FAM135B: variants seen among roughly 807,000 people sequenced by gnomAD.
FAM135B encodes protein FAM135B.
Under a neutral mutation model 127.7 loss-of-function variants are expected in FAM135B, and 43 were observed. The ratio of observed to expected loss-of-function variants is 0.34; its 90% CI spans 0.26 to 0.43. The LOEUF (loss-of-function observed/expected upper bound fraction) is 0.43. Among genes scored for constraint, FAM135B ranks in the 20% least tolerant of loss-of-function variants. The pLI is 1.00. For synonymous variants in FAM135B, 670 were observed against 665.1 expected (o/e 1.01, Z -0.11); for missense variants, 1,558 against 1,725.6 (o/e 0.90, Z 1.72).
chr8:138,429,088 T>C (rs1480064606), intron 1 of FAM135B, among the ~76,000 whole-genome samples: 1 of 152,140 alleles, frequency 6.6e-6, no homozygotes, highest in African/African-American at 2.4e-5. Context: ...GTAAATGCTA[T>C]GGACAAAAAA....
At chr8:138,346,883 C>A (rs1587176253) in intron 2 of FAM135B, among the ~76,000 whole-genome samples, 1 of 152,146 alleles carries the variant, frequency 6.6e-6, no homozygotes, top group East Asian at 1.9e-4. Flanking sequence ...GAAGGCCTGG[C>A]AGGTAGCAAG....
chr8:138,373,725 A>G (rs902200361), intron 1 of FAM135B, among the ~76,000 whole-genome samples: 1 of 152,016 alleles, frequency 6.6e-6, no homozygotes, highest in African/African-American at 2.4e-5. Context: ...CCTGAGGGTG[A>G]GTCTCTAAAA....
intron 2 of FAM135B, among the ~76,000 whole-genome samples, chr8:138,340,408 T>C (rs1828961155): frequency 1.3e-5 from 2 of 152,198 alleles, no homozygotes; most frequent in African/African-American, 4.8e-5. Flanking sequence ...CCTGTTCACA[T>C]GGATATGATT....
intron 5 of FAM135B, among the ~76,000 whole-genome samples, chr8:138,256,152 C>T: frequency 6.6e-6 from 1 of 152,052 alleles, no homozygotes; most frequent in Non-Finnish European, 1.5e-5. Context: ...CAGCTCAGCC[C>T]AGGGTAGGAA....
At chr8:138,493,187 C>A (rs1317174230) in intron 1 of FAM135B, among the ~76,000 whole-genome samples, 3 of 152,172 alleles carry the variant, frequency 2.0e-5, no homozygotes, top group Non-Finnish European at 2.9e-5. Context: ...CGTTTCTGAG[C>A]ACCCAGTGTC....
intron 14 of FAM135B, among the ~76,000 whole-genome samples, chr8:138,147,835 A>G (rs1817780680): frequency 6.6e-6 from 1 of 152,220 alleles, no homozygotes; most frequent in Non-Finnish European, 1.5e-5. Context: ...AGTTATTGAG[A>G]GTCTTATCTC....
intron 7 of FAM135B, among the ~76,000 whole-genome samples, chr8:138,211,383 C>T (rs1818131060): frequency 6.6e-6 from 1 of 152,166 alleles, no homozygotes; most frequent in African/African-American, 2.4e-5. Flanking sequence ...ATCTCTCAGA[C>T]AGTGTCAAGA....
chr8:138,200,311 A>G (rs1447898541), intron 7 of FAM135B, among the ~76,000 whole-genome samples: 1 of 152,196 alleles, frequency 6.6e-6, no homozygotes, highest in Non-Finnish European at 1.5e-5. Context: ...ATTCAGGGTA[A>G]CCCATATATT....
intron 1 of FAM135B, among the ~76,000 whole-genome samples, chr8:138,374,814 G>A (rs1831361659): frequency 6.6e-6 from 1 of 152,196 alleles, no homozygotes; most frequent in Non-Finnish European, 1.5e-5. Flanking sequence ...TTCTGAGGAT[G>A]CACAGTGATG....
chr8:138,293,033 GTAC>G (rs1448801065), intron 3 of FAM135B, among the ~76,000 whole-genome samples: 1 of 152,082 alleles, frequency 6.6e-6, no homozygotes, highest in Non-Finnish European at 1.5e-5. Flanking sequence ...AATCAGGATG[GTAC>G]TGCTATAAAA....
At chr8:138,350,417 G>A (rs562544129) in intron 2 of FAM135B, among the ~76,000 whole-genome samples, 3 of 152,168 alleles carry the variant, frequency 2.0e-5, no homozygotes, top group South Asian at 4.2e-4. Context: ...CATGAAAGGA[G>A]GTGGCTTGGG....
At chr8:138,406,911 G>A (rs910670705) in intron 1 of FAM135B, among the ~76,000 whole-genome samples, 8 of 151,464 alleles carry the variant, frequency 5.3e-5, no homozygotes, top group Non-Finnish European at 1.0e-4. Flanking sequence ...TCTGGCCAGG[G>A]CAATTAGGCA....
chr8:138,253,306 T>C (rs1821843264), intron 5 of FAM135B, among the ~76,000 whole-genome samples: 1 of 152,170 alleles, frequency 6.6e-6, no homozygotes, highest in Non-Finnish European at 1.5e-5. Flanking sequence ...GCAAACAGGT[T>C]CTGATGGGTC....
chr8:138,240,294 C>A (rs1327506838), intron 7 of FAM135B, among the ~76,000 whole-genome samples: 2 of 152,154 alleles, frequency 1.3e-5, no homozygotes, highest in African/African-American at 4.8e-5. Flanking sequence ...CTGGGCCGTG[C>A]TCAGATATGT....
intron 1 of FAM135B, among the ~76,000 whole-genome samples, chr8:138,415,910 A>C (rs1834118723): frequency 6.6e-6 from 1 of 152,142 alleles, no homozygotes; most frequent in Non-Finnish European, 1.5e-5. Context: ...CTAGAAACTA[A>C]AATTCTACTT....
At chr8:138,328,707 A>T (rs1317534341) in intron 2 of FAM135B, among the ~76,000 whole-genome samples, 2 of 152,202 alleles carry the variant, frequency 1.3e-5, no homozygotes, top group Non-Finnish European at 2.9e-5. Flanking sequence ...TCAACTGTGA[A>T]ATCAAACAGA....
intron 2 of FAM135B, among the ~76,000 whole-genome samples, chr8:138,339,551 A>G (rs531346298): frequency 2.6e-5 from 4 of 151,964 alleles, no homozygotes; most frequent in Admixed American, 6.6e-5. Flanking sequence ...TGACATCAGA[A>G]AAAAGGAGAA....
intron 9 of FAM135B, among the ~76,000 whole-genome samples, chr8:138,188,271 C>G (rs569197483): frequency 7.2e-5 from 11 of 152,296 alleles, no homozygotes; most frequent in African/African-American, 2.6e-4. Flanking sequence ...TAGAGGAGGG[C>G]ATCATAGGAA....
chr8:138,266,589 G>A (rs907046904), intron 3 of FAM135B, among the ~76,000 whole-genome samples: 2 of 145,240 alleles, frequency 1.4e-5, no homozygotes, highest in Admixed American at 1.4e-4. Flanking sequence ...ATATATGTGT[G>A]TGTATATATA....
Sources: gnomAD v4.1 joint callset for allele counts (sites outside exome capture counted in the v4.1 genomes callset) on GRCh38, gnomAD v4.1.1 for gene constraint, MANE v1.5 for transcripts, NCBI Gene and HGNC (gene_info 2026-07-23, HGNC 2026-07-21) for gene names.